GRM1: variants seen among roughly 807,000 people sequenced by gnomAD.
GRM1 encodes metabotropic glutamate receptor 1.
Under a neutral mutation model 90.9 loss-of-function variants are expected in GRM1, and 33 were observed. That is an observed-to-expected ratio of 0.36 (90% CI 0.28 to 0.49). GRM1 has a LOEUF of 0.49. Among genes scored for constraint, GRM1 ranks in the 20% least tolerant of loss-of-function variants. GRM1 has a pLI of 0.99. For missense variants in GRM1, 1,190 were observed against 1,534.3 expected (o/e 0.78, Z 3.75); for synonymous variants, 700 against 613.2 (o/e 1.14, Z -2.09).
intron 1 of GRM1, among the ~76,000 whole-genome samples, chr6:146,129,951 C>T (rs1303600757): frequency 2.0e-5 from 3 of 151,168 alleles, no homozygotes; most frequent in African/African-American, 4.9e-5. Context: ...CTCAGAGCAC[C>T]ATTTTGCAAC....
At chr6:146,397,105 A>G (rs1776968524) in intron 6 of GRM1, among the ~76,000 whole-genome samples, 1 of 152,194 alleles carries the variant, frequency 6.6e-6, no homozygotes, top group Non-Finnish European at 1.5e-5. Context: ...ATGTTATCAA[A>G]TAAGGAGTCT....
chr6:146,093,495 C>T (rs774703765), intron 1 of GRM1, among the ~76,000 whole-genome samples: 3 of 152,058 alleles, frequency 2.0e-5, no homozygotes, highest in Non-Finnish European at 2.9e-5. Context: ...AAAAACAGCC[C>T]ATATTCTGGA....
chr6:146,437,564 T>C lies in GRM1; in HGVS notation c.*2768T>C, dbSNP rs938094777. The C allele has an allele frequency of 2.6e-5, 4 of 152,764 alleles. No homozygotes were observed. The highest frequency in any genetic ancestry group is 9.6e-5 in the African/African-American group (4 of 41,574). 9.5% of individuals were successfully genotyped at this position (152,764 alleles called of 1,614,324 possible). On this transcript the variant is annotated 3_prime_UTR_variant, in exon 8 of 8. Coordinates refer to ENST00000282753, the MANE Select transcript of GRM1 (RefSeq NM_001278064.2). Reference sequence around the variant, plus strand: ...GTTACTGCCTTTTGTCAAATAATCTTGACAATGCTGTATAATAAATATTTT... The same window carrying C: ...GTTACTGCCTTTTGTCAAATAATCTCGACAATGCTGTATAATAAATATTTT...
At chr6:146,271,910 T>C (rs946891864) in intron 2 of GRM1, among the ~76,000 whole-genome samples, 2 of 152,246 alleles carry the variant, frequency 1.3e-5, no homozygotes, top group African/African-American at 2.4e-5. Flanking sequence ...CTTATGTTTT[T>C]CTAACACTTT....
intron 1 of GRM1, among the ~76,000 whole-genome samples, chr6:146,036,818 A>G (rs1281678936): frequency 1.3e-5 from 2 of 151,938 alleles, no homozygotes; most frequent in Non-Finnish European, 2.9e-5. Flanking sequence ...CCTAGTAACT[A>G]ATTTGCCTTC....
At chr6:146,312,454 G>A (rs1351212463) in intron 3 of GRM1, among the ~76,000 whole-genome samples, 1 of 145,984 alleles carries the variant, frequency 6.9e-6, no homozygotes, top group East Asian at 2.0e-4. Context: ...TTTTAGCATA[G>A]AGTTGATGAT....
intron 3 of GRM1, among the ~76,000 whole-genome samples, chr6:146,330,996 T>G (rs1166422010): frequency 6.6e-6 from 1 of 152,088 alleles, no homozygotes; most frequent in Admixed American, 6.5e-5. Context: ...CATGCCAAAT[T>G]GTGAGATGCA....
intron 2 of GRM1, among the ~76,000 whole-genome samples, chr6:146,279,550 A>T (rs1390474354): frequency 2.0e-5 from 3 of 152,128 alleles, no homozygotes; most frequent in African/African-American, 7.2e-5. Context: ...TTTACCTTTG[A>T]CATTTGTTCT....
At chr6:146,306,416 A>G (rs952775538) in intron 3 of GRM1, among the ~76,000 whole-genome samples, 1 of 152,172 alleles carries the variant, frequency 6.6e-6, no homozygotes, top group African/African-American at 2.4e-5. Flanking sequence ...CAAAGAAACG[A>G]CAACCCACAC....
At chr6:146,319,565 G>A (rs760027711) in intron 3 of GRM1, among the ~76,000 whole-genome samples, 4 of 152,228 alleles carry the variant, frequency 2.6e-5, no homozygotes, top group East Asian at 3.9e-4. Context: ...GGGCAGTATG[G>A]CCATTTTCAA....
intron 5 of GRM1, among the ~76,000 whole-genome samples, chr6:146,365,650 C>T (rs1256246217): frequency 1.3e-5 from 2 of 152,126 alleles, no homozygotes; most frequent in Non-Finnish European, 2.9e-5. Context: ...GGGTACTCAT[C>T]CTACCTAGCC....
At chr6:146,158,467 CA>C (rs2128890617) in intron 1 of GRM1, among the ~76,000 whole-genome samples, 1 of 152,104 alleles carries the variant, frequency 6.6e-6, no homozygotes, top group Admixed American at 6.5e-5. Context: ...ATAACATGGT[CA>C]AAAGTGTGAC....
intron 2 of GRM1, among the ~76,000 whole-genome samples, chr6:146,289,487 G>A (rs1019963098): frequency 1.3e-5 from 2 of 152,086 alleles, no homozygotes; most frequent in South Asian, 2.1e-4. Flanking sequence ...AGTAAATAAA[G>A]TCAAAAGTTA....
At chr6:146,361,663 T>G (rs1476329684) in intron 5 of GRM1, among the ~76,000 whole-genome samples, 4 of 152,198 alleles carry the variant, frequency 2.6e-5, no homozygotes, top group Non-Finnish European at 5.9e-5. Context: ...GCAGGTATTA[T>G]CATCCCCCCA....
chr6:146,261,226 C>G (rs1237958784), intron 2 of GRM1, among the ~76,000 whole-genome samples: 1 of 151,974 alleles, frequency 6.6e-6, no homozygotes, highest in Admixed American at 6.6e-5. Flanking sequence ...AGGAGAAAAT[C>G]CAACTGAAGG....
intron 6 of GRM1, among the ~76,000 whole-genome samples, chr6:146,391,337 A>G (rs999601518): frequency 6.6e-6 from 1 of 152,054 alleles, no homozygotes; most frequent in African/African-American, 2.4e-5. Context: ...CTTGAAGGAA[A>G]CTGACTTGTC....
At chr6:146,222,615 G>A (rs1780105777) in intron 2 of GRM1, among the ~76,000 whole-genome samples, 1 of 152,050 alleles carries the variant, frequency 6.6e-6, no homozygotes, top group Admixed American at 6.6e-5. Flanking sequence ...CATTCAAGCT[G>A]CTGATGGATT....
chr6:146,206,879 C>G (rs1396234553), intron 2 of GRM1, among the ~76,000 whole-genome samples: 1 of 152,114 alleles, frequency 6.6e-6, no homozygotes, highest in African/African-American at 2.4e-5. Flanking sequence ...ATTTAGCTCC[C>G]ACTTATAAAT....
intron 1 of GRM1, among the ~76,000 whole-genome samples, chr6:146,122,129 G>A (rs1349341325): frequency 6.6e-6 from 1 of 152,132 alleles, no homozygotes; most frequent in Non-Finnish European, 1.5e-5. Flanking sequence ...GACCATAATG[G>A]TAAAGGGATA....
Sources: allele counts gnomAD v4.1 joint callset (sites outside exome capture counted in the v4.1 genomes callset), GRCh38; gene constraint gnomAD v4.1.1; transcripts MANE v1.5; gene names NCBI Gene and HGNC (gene_info 2026-07-23, HGNC 2026-07-21).